The following KIAA1549L variants were observed in gnomAD, a reference collection of about 807,000 sequenced individuals.
The protein encoded by KIAA1549L is UPF0606 protein KIAA1549L.
KIAA1549L carries 88 observed loss-of-function variants against 160.7 expected under a neutral mutation model. The ratio of observed to expected loss-of-function variants is 0.55; its 90% confidence interval spans 0.46 to 0.65. The LOEUF (loss-of-function observed/expected upper bound fraction) is 0.65, where lower values mean the gene tolerates loss of function less well. KIAA1549L is among the 30% of genes least tolerant of loss of function. KIAA1549L has a pLI of 0.00. For missense variants in KIAA1549L, 2,258 were observed against 2,437.5 expected (o/e 0.93, Z 1.55); for synonymous variants, 950 against 976.7 (o/e 0.97, Z 0.51).
chr11:33,526,657 C>T (rs922887218), intron 1 of KIAA1549L, among the ~76,000 whole-genome samples: 9 of 152,164 alleles, frequency 5.9e-5, no homozygotes, highest in Non-Finnish European at 7.4e-5. Context: ...CCCCATGGGA[C>T]GAGAGCCCTT....
At chr11:33,590,800 C>G (rs997931168) in intron 11 of KIAA1549L, among the ~76,000 whole-genome samples, 20 of 150,958 alleles carry the variant, frequency 1.3e-4, no homozygotes, top group African/African-American at 5.0e-4. Flanking sequence ...TTGGCAAAGT[C>G]ACACATGTGC....
intron 12 of KIAA1549L, among the ~76,000 whole-genome samples, chr11:33,594,016 G>A (rs999757462): frequency 1.3e-5 from 2 of 152,112 alleles, no homozygotes; most frequent in Non-Finnish European, 2.9e-5. Context: ...AAAGAAAAAG[G>A]AATAGTGTCA....
chr11:33,639,789 C>G (rs1185577515), intron 16 of KIAA1549L, among the ~76,000 whole-genome samples: 1 of 152,186 alleles, frequency 6.6e-6, no homozygotes, highest in Non-Finnish European at 1.5e-5. Context: ...ATCCGCCCGC[C>G]TTGGCCTCCC....
rs751828439 is a variant in KIAA1549L, at chr11:33,658,918, G to T, written c.6007+20G>T. On this transcript the variant is annotated intron_variant, in intron 19 of 20. Transcript: ENST00000658780. ...ACTCAGGTGGGCAAGAGAAAAGCCC[G>T]AGTGTGCCCCCCACCACTGCTGCTG... 9.1e-6 allele frequency: 14 copies of T among 1,531,596 alleles called. No homozygotes were observed. The highest frequency in any genetic ancestry group is 1.1e-5 in the Non-Finnish European group (13 of 1,136,158). 94.9% of individuals were successfully genotyped at this position (1,531,596 alleles called of 1,614,324 possible).
intron 17 of KIAA1549L, among the ~76,000 whole-genome samples, chr11:33,649,730 C>T (rs550460719): frequency 2.6e-4 from 40 of 151,620 alleles, no homozygotes; most frequent in East Asian, 9.7e-4. Context: ...TCGATTCTGC[C>T]GCAACACTTG....
rs536841316 is a variant in KIAA1549L, at chr11:33,473,672, G to A, written c.239-68130G>A. 8.5e-5 allele frequency among the ~76,000 whole-genome samples: 13 copies of A among 152,166 alleles called. No individual in the cohort carries two copies. In the South Asian group the frequency reaches 1.2e-3, roughly 15 times the overall value. ...CTCCACCATTTGGTCTCATATGCAC[G>A]TTCCCTTCGAGTCATATTAGATTAG... On this transcript the variant is annotated intron_variant, in intron 1 of 20. Transcript: ENST00000658780.
intron 1 of KIAA1549L, among the ~76,000 whole-genome samples, chr11:33,458,477 A>G (rs961337663): frequency 1.3e-5 from 2 of 152,196 alleles, no homozygotes; most frequent in Admixed American, 1.3e-4. Context: ...CCTAATTAGG[A>G]AGGAATCAGA....
chr11:33,553,666 C>T (rs1024904747), intron 6 of KIAA1549L, among the ~76,000 whole-genome samples: 2 of 152,058 alleles, frequency 1.3e-5, no homozygotes, highest in African/African-American at 4.8e-5. Context: ...ACTCAGCTCT[C>T]TTGTGGGAAC....
rs1210337486 is a variant in KIAA1549L at position 33,435,790 on chromosome 11, A to ATGTGTGTGTGTGTG, written c.238+58902_238+58903insGTGTGTGTGTGTGT. Among the ~76,000 whole-genome samples the ATGTGTGTGTGTGTG allele has an allele frequency of 2.3e-3, 60 of 26,100 alleles. 4 individuals are homozygous for ATGTGTGTGTGTGTG. The highest frequency in any genetic ancestry group is 0.016 in the Middle Eastern group (1 of 62). The allele number at this position is 26,100 out of a possible 152,430, so 17.1% of individuals were successfully genotyped here. A position where few individuals can be genotyped will look rare whatever the true frequency, so the allele number is the denominator to read the frequency against. On this transcript the variant is annotated intron_variant, in intron 1 of 20. Coordinates refer to ENST00000658780, the MANE Select transcript of KIAA1549L (RefSeq NM_012194.3). Reference sequence around the variant, plus strand: ...TATATATATATATATATATATATATATATATATATATATATATATATGTGT... The same window carrying ATGTGTGTGTGTGTG: ...TATATATATATATATATATATATATATGTGTGTGTGTGTGTATATATATATATATATATATGTGT...
chr11:33,393,138 C>G (rs1850303997), intron 1 of KIAA1549L, among the ~76,000 whole-genome samples: 1 of 152,226 alleles, frequency 6.6e-6, no homozygotes, highest in Admixed American at 6.5e-5. Flanking sequence ...TGAACCACCT[C>G]CAACTCACAC....
In KIAA1549L at chr11:33,562,210, GGT is replaced by G. The variant is rs1353779056; in HGVS notation, c.4078+477_4078+478del. Reference sequence around the variant, plus strand: ...TTTGGAAATAGAAAGGGGTTCTTTTGGTGGCATTTTCTCTTTTGTTCCTTGAC... The same window carrying G: ...TTTGGAAATAGAAAGGGGTTCTTTTGGGCATTTTCTCTTTTGTTCCTTGAC... On this transcript the variant is annotated intron_variant, in intron 8 of 20. Coordinates refer to ENST00000658780, the MANE Select transcript of KIAA1549L (RefSeq NM_012194.3). Among the ~76,000 whole-genome samples the G allele has an allele frequency of 3.9e-5, 6 of 152,142 alleles. No individual in the cohort carries two copies. In the East Asian group the frequency reaches 1.2e-3, roughly 29 times the overall value.
chr11:33,493,478 C>T (rs545685242), intron 1 of KIAA1549L, among the ~76,000 whole-genome samples: 1 of 152,260 alleles, frequency 6.6e-6, no homozygotes, highest in South Asian at 2.1e-4. Context: ...CACATTTATG[C>T]TGTGCTGGGG....
intron 1 of KIAA1549L, among the ~76,000 whole-genome samples, chr11:33,473,285 A>G (rs1352500862): frequency 6.6e-6 from 1 of 152,184 alleles, no homozygotes; most frequent in Non-Finnish European, 1.5e-5. Context: ...GGAGGAGGCA[A>G]GTGGAAATTT....
intron 13 of KIAA1549L, among the ~76,000 whole-genome samples, chr11:33,601,759 A>G (rs1850371536): frequency 6.6e-6 from 1 of 152,198 alleles, no homozygotes; most frequent in African/African-American, 2.4e-5. Flanking sequence ...GTAGCTTCCA[A>G]TCTTTTTCTT....
At position 33,498,461 on chromosome 11, in the gene KIAA1549L, AC is replaced by A. The variant is rs148393785; in HGVS notation, c.239-43339del. ...AGGGGAGATGGCTAGTATATGCTTC[AC>A]CATGTCTGGGATGGCTTAAACAGTG... On this transcript the variant is annotated intron_variant, in intron 1 of 20. Coordinates refer to ENST00000658780, the MANE Select transcript of KIAA1549L (RefSeq NM_012194.3). Among the ~76,000 whole-genome samples the A allele has an allele frequency of 9.6e-3, 1,460 of 152,196 alleles. 21 individuals are homozygous for A. The highest frequency in any genetic ancestry group is 0.033 in the African/African-American group (1,387 of 41,518).
At chr11:33,378,077 C>A (rs544826671) in intron 1 of KIAA1549L, among the ~76,000 whole-genome samples, 1 of 152,242 alleles carries the variant, frequency 6.6e-6, no homozygotes, top group African/African-American at 2.4e-5. Flanking sequence ...GATTTTTATG[C>A]CTGTAGCAGT....
intron 17 of KIAA1549L, among the ~76,000 whole-genome samples, chr11:33,647,518 A>G (rs549900352): frequency 2.6e-5 from 4 of 152,306 alleles, no homozygotes; most frequent in African/African-American, 9.6e-5. Flanking sequence ...CCGAGAAGTT[A>G]TAAGTTTTTG....
At chr11:33,517,388 A>G (rs375889090) in intron 1 of KIAA1549L, among the ~76,000 whole-genome samples, 5 of 152,308 alleles carry the variant, frequency 3.3e-5, no homozygotes, top group African/African-American at 1.2e-4. Flanking sequence ...TGCAAACATA[A>G]AGATGAAGGG....
At position 33,618,514 on chromosome 11, in the gene KIAA1549L, GT is replaced by G; in HGVS notation, c.5280-17del. 1 of 1,596,214 alleles carries G rather than the reference GT, an allele frequency of 6.3e-7. No individual in the cohort carries two copies. Among genetic ancestry groups the G allele is most frequent in the East Asian group, 2.3e-5 (1 of 44,400 alleles). Reference sequence around the variant, plus strand: ...TCAGGGCATTTGCTGCATCATAACAGTTGTTGAATTTTCTTCAGGCAACAGA... The same window carrying G: ...TCAGGGCATTTGCTGCATCATAACAGTGTTGAATTTTCTTCAGGCAACAGA... On this transcript the variant is annotated intron_variant, in intron 15 of 20. Transcript: ENST00000658780.
Sources: gnomAD v4.1 joint callset for allele counts (sites outside exome capture counted in the v4.1 genomes callset) on GRCh38, gnomAD v4.1.1 for gene constraint, MANE v1.5 for transcripts, NCBI Gene and HGNC (gene_info 2026-07-23, HGNC 2026-07-21) for gene names.